The following LTBP1 variants were observed in gnomAD, a reference collection of about 807,000 sequenced individuals.
The protein encoded by LTBP1 is latent transforming growth factor beta binding protein 1, also known as latent-transforming growth factor beta-binding protein 1.
A neutral mutation model predicts 207.6 loss-of-function variants in LTBP1; 129 were observed. The observed-to-expected ratio is 0.62, with a 90% CI of 0.54 to 0.72. The LOEUF is 0.72. LTBP1 is among the 30% of genes least tolerant of loss of function. The probability of loss-of-function intolerance (pLI) is 0.00; values close to 1 mark genes in which losing one functional copy is unlikely to be tolerated. For synonymous variants in LTBP1, 963 were observed against 833.7 expected (o/e 1.16, Z -2.67); for missense variants, 2,281 against 2,217.2 (o/e 1.03, Z -0.58).
intron 5 of LTBP1, 37 bp from the exon 6 acceptor site, chr2:33,186,819 C>T: frequency 6.5e-7 from 1 of 1,538,774 alleles, no homozygotes. Flanking sequence ...CTCTGAGAGA[C>T]TAACCAACTC....
intron 2 of LTBP1, among the ~76,000 whole-genome samples, chr2:32,987,520 CTCTGGAGCCATT>C (rs1264652365): frequency 2.0e-5 from 3 of 152,106 alleles, no homozygotes; most frequent in Admixed American, 6.5e-5. Flanking sequence ...GTAGAAGTAG[CTCTGGAGCCATT>C]TCCCTGCCAC....
intron 5 of LTBP1, among the ~76,000 whole-genome samples, chr2:33,136,169 TG>T (rs1386152293): frequency 6.6e-6 from 1 of 152,222 alleles, no homozygotes; most frequent in Non-Finnish European, 1.5e-5. Context: ...AAAAGGGCAT[TG>T]TGAGTTTCCT....
intron 23 of LTBP1, among the ~76,000 whole-genome samples, 181 bp downstream of exon 23, chr2:33,309,737 G>A (rs1046125825): frequency 4.6e-5 from 7 of 152,306 alleles, no homozygotes; most frequent in African/African-American, 1.7e-4. Context: ...GCTTTGTCCA[G>A]CATAGTGTCA....
At chr2:33,039,563 A>G (rs889708037) in intron 3 of LTBP1, among the ~76,000 whole-genome samples, 3 of 152,190 alleles carry the variant, frequency 2.0e-5, no homozygotes, top group African/African-American at 7.2e-5. Flanking sequence ...CGAGACACCA[A>G]GTAAAATATC....
intron 9 of LTBP1, among the ~76,000 whole-genome samples, chr2:33,231,888 A>G (rs1039502824): frequency 1.3e-5 from 2 of 152,230 alleles, no homozygotes; most frequent in African/African-American, 2.4e-5. Flanking sequence ...TGTTAAAGAA[A>G]AATATTGTTT....
intron 5 of LTBP1, among the ~76,000 whole-genome samples, chr2:33,155,228 G>T (rs1430659078): frequency 6.6e-6 from 1 of 152,026 alleles, no homozygotes; most frequent in Non-Finnish European, 1.5e-5. Flanking sequence ...ACCATGCCTG[G>T]CTAATTTTTG....
At chr2:32,951,460 G>A (rs913019982) in intron 2 of LTBP1, among the ~76,000 whole-genome samples, 4 of 152,210 alleles carry the variant, frequency 2.6e-5, no homozygotes, top group African/African-American at 9.6e-5. Context: ...AGCTGAGAGA[G>A]CCTTCTACCT....
At chr2:33,336,590 T>G (rs2094555993) in intron 24 of LTBP1, among the ~76,000 whole-genome samples, 2 of 152,222 alleles carry the variant, frequency 1.3e-5, no homozygotes, top group African/African-American at 4.8e-5. Context: ...CTCAGTAGCT[T>G]TGGAGATTTT....
intron 10 of LTBP1, among the ~76,000 whole-genome samples, chr2:33,250,857 AC>A (rs1373306537): frequency 6.6e-6 from 1 of 151,974 alleles, no homozygotes; most frequent in Non-Finnish European, 1.5e-5. Context: ...TGTATATACC[AC>A]CTGTGGGCCT....
intron 7 of LTBP1, among the ~76,000 whole-genome samples, chr2:33,215,251 A>G (rs576947584): frequency 6.6e-6 from 1 of 152,248 alleles, no homozygotes; most frequent in Admixed American, 6.5e-5. Context: ...TGACCCTAGG[A>G]GAAAGATACT....
Position 33,240,643 on chromosome 2 carries a change from TTC to T in LTBP1, c.1877-3017_1877-3016del, listed in dbSNP as rs1232757314. Among the ~76,000 whole-genome samples, 879 of 145,832 alleles carry T rather than the reference TTC, an allele frequency of 6.0e-3. 6 individuals carry two copies. The highest frequency in any genetic ancestry group is 0.01 in the Non-Finnish European group (676 of 66,720). ...AGAACCTTCTCAGGTGATGGAAACA[TTC>T]TTTTTTTTTTTTTTTTTTTTTTTGA... On this transcript the variant is annotated intron_variant, in intron 9 of 33. Transcript: ENST00000404816.
intron 22 of LTBP1, among the ~76,000 whole-genome samples, chr2:33,305,111 G>A (rs1284396773): frequency 2.6e-5 from 4 of 151,918 alleles, no homozygotes; most frequent in East Asian, 1.9e-4. Flanking sequence ...TCAGGAGATC[G>A]AGACCATCTT....
chr2:33,200,660 A>G (rs1469297142), intron 7 of LTBP1, among the ~76,000 whole-genome samples: 2 of 152,216 alleles, frequency 1.3e-5, no homozygotes, highest in Non-Finnish European at 2.9e-5. Context: ...TCTGCACAGC[A>G]AAAGAAGCTA....
chr2:33,220,527 A>C (rs140393099), intron 8 of LTBP1, among the ~76,000 whole-genome samples: 37 of 152,370 alleles, frequency 2.4e-4, no homozygotes, highest in African/African-American at 8.2e-4. Context: ...GCCTAGCATG[A>C]ACAAGTCACT....
rs372778834 is a variant in LTBP1, at chr2:33,262,756, T to C, written c.2453T>C (p.Leu818Pro). The C allele has an allele frequency of 1.5e-5, 24 of 1,605,730 alleles. No individual in the cohort carries two copies. Among genetic ancestry groups the C allele is most frequent in the Non-Finnish European group, 1.8e-5 (21 of 1,174,968 alleles). The change falls in exon 14 of 34, where the codon CTT (leucine) becomes CCT (proline). Residue 818 changes from leucine to proline, a missense_variant. Leu to Pro is a moderately conservative substitution (Grantham distance 98). This residue lies in a region of LTBP1 where 1,671 missense variants were observed against 1,634.8 expected (regional missense o/e 1.02). Transcript: ENST00000404816. ...IPSLDQEKTK[L>P]EPGQPQLSPG... Reference sequence around the variant, plus strand: ...TCATTGGATCAAGAGAAAACCAAACTTGAGCCTGGTCAACCCCAGCTGTCT... The same window carrying C: ...TCATTGGATCAAGAGAAAACCAAACCTGAGCCTGGTCAACCCCAGCTGTCT...
At chr2:33,351,005 T>A (rs2094774150) in intron 26 of LTBP1, among the ~76,000 whole-genome samples, 1 of 152,138 alleles carries the variant, frequency 6.6e-6, no homozygotes, top group South Asian at 2.1e-4. Flanking sequence ...TTATAATCCA[T>A]ACAGGTATTC....
chr2:33,309,754 ACT>A (rs1360946090), intron 23 of LTBP1, among the ~76,000 whole-genome samples, 198 bp downstream of exon 23: 6 of 152,064 alleles, frequency 3.9e-5, no homozygotes, highest in African/African-American at 1.4e-4. Context: ...GTCAACTGAA[ACT>A]CACACGAGTA....
In LTBP1 at chr2:33,275,863, G is replaced by T; in HGVS notation, c.2932G>T (p.Ala978Ser). 1.2e-6 allele frequency: 2 copies of T among 1,612,482 alleles called. No homozygotes were observed. ...GEGHCVNTVG[A>S]FRCEYCDSGY... ...GGGGCACTGTGTCAATACTGTGGGG[G>T]CCTTCCGGTGTGAATACTGTGACAG... Residue 978 changes from alanine to serine, a missense_variant, in exon 18 of 34, where the codon GCC becomes TCC. Transcript: ENST00000404816.
intron 10 of LTBP1, among the ~76,000 whole-genome samples, chr2:33,251,393 G>A (rs946336898): frequency 2.0e-5 from 3 of 152,188 alleles, no homozygotes; most frequent in African/African-American, 7.2e-5. Context: ...GCGCACGGTG[G>A]CTCACGCCTG....
Sources: gnomAD v4.1 joint callset for allele counts (sites outside exome capture counted in the v4.1 genomes callset) on GRCh38, gnomAD v4.1.1 for gene constraint, gnomAD v4.1.1 regional missense constraint, MANE v1.5 for transcripts, NCBI Gene and HGNC (gene_info 2026-07-23, HGNC 2026-07-21) for gene names.